BABAM2: variants seen among roughly 807,000 people sequenced by gnomAD.
BABAM2 encodes the protein BRISC and BRCA1 A complex member 2.
A neutral mutation model predicts 54.7 loss-of-function variants in BABAM2; 31 were observed. That is an observed-to-expected ratio of 0.57 (90% CI 0.43 to 0.77). The LOEUF is 0.77. BABAM2 is among the 30% of genes least tolerant of loss of function. BABAM2 has a pLI of 0.00. For missense variants in BABAM2, 364 were observed against 455.8 expected (o/e 0.80, Z 1.83); for synonymous variants, 167 against 162.9 (o/e 1.03, Z -0.19).
intron 2 of BABAM2, chr2:27,896,767 G>C: frequency 4.3e-6 from 1 of 231,510 alleles, no homozygotes; most frequent in Non-Finnish European, 8.8e-6. Flanking sequence ...CAGCAACTGG[G>C]CCAGCAGCTT....
chr2:28,209,247 C>T (rs1573848061), intron 7 of BABAM2, among the ~76,000 whole-genome samples: 1 of 152,088 alleles, frequency 6.6e-6, no homozygotes, highest in South Asian at 2.1e-4. Flanking sequence ...CCTGATTCTT[C>T]CTTAGAGTGG....
Position 28,159,298 on chromosome 2 carries a change from A to G in BABAM2, c.680+29918A>G, listed in dbSNP as rs1286391998. Among the ~76,000 whole-genome samples the G allele has an allele frequency of 6.6e-5, 10 of 152,298 alleles. No individual in the cohort carries two copies. The East Asian group carries it at 1.7e-3, about 27-fold the overall frequency. ...AGTCTACTGGCAGAGTCAGGCACAG[A>G]AGTAACTAACTTGGACAGCATGATG... On this transcript the variant is annotated intron_variant, in intron 7 of 11. Coordinates refer to ENST00000379624, the MANE Select transcript of BABAM2 (RefSeq NM_199191.3).
At chr2:28,013,497 A>G in intron 4 of BABAM2, 1 of 429,530 alleles carries the variant, frequency 2.3e-6, no homozygotes, top group South Asian at 1.7e-5. Flanking sequence ...GTGGTTTTTC[A>G]GCTACAAAGG....
At chr2:28,295,396 T>C (rs1241918575) in intron 10 of BABAM2, among the ~76,000 whole-genome samples, 3 of 152,204 alleles carry the variant, frequency 2.0e-5, no homozygotes, top group African/African-American at 7.2e-5. Context: ...CTCATGGTAC[T>C]TTTCTGCTGG....
chr2:28,181,317 C>G lies in BABAM2; in HGVS notation c.680+51937C>G, dbSNP rs117579203. ...TTGGCCATAAAGAGTGAAATTCTGT[C>G]ATATGCAGCAACATGGAACTGCAGG... On this transcript the variant is annotated intron_variant, in intron 7 of 11. Coordinates refer to ENST00000379624, the MANE Select transcript of BABAM2 (RefSeq NM_199191.3). Among the ~76,000 whole-genome samples the G allele has an allele frequency of 6.4e-4, 97 of 152,226 alleles. 1 individual carries two copies. The East Asian group carries it at 0.014, about 21-fold the overall frequency.
chr2:28,180,788 A>G (rs1232396691), intron 7 of BABAM2, among the ~76,000 whole-genome samples: 1 of 152,210 alleles, frequency 6.6e-6, no homozygotes, highest in East Asian at 1.9e-4. Context: ...ATCACATTAA[A>G]AAGTGGGCAA....
chr2:28,195,840 A>G (rs1263578135), intron 7 of BABAM2, among the ~76,000 whole-genome samples: 1 of 152,248 alleles, frequency 6.6e-6, no homozygotes, highest in Non-Finnish European at 1.5e-5. Context: ...AGTAGTTTTG[A>G]GCAAGCCTAA....
Position 28,067,895 on chromosome 2 carries a change from A to G in BABAM2, c.570+22096A>G, listed in dbSNP as rs1558305738. The stretch of plus-strand genomic sequence containing the variant: ...TGCTTTATAGCACAGTGCCCTGAAC[A>G]CAGTGTATACTCAGTAAGAATTTTC... On this transcript the variant is annotated intron_variant, in intron 6 of 11. Coordinates refer to ENST00000379624, the MANE Select transcript of BABAM2 (RefSeq NM_199191.3). 5.3e-5 allele frequency among the ~76,000 whole-genome samples: 8 copies of G among 152,364 alleles called. No homozygotes were observed. In the South Asian group the frequency reaches 1.4e-3, roughly 28 times the overall value.
At chr2:28,026,882 A>ATAGATATATATATT (rs1675805696) in intron 5 of BABAM2, among the ~76,000 whole-genome samples, 2 of 58,802 alleles carry the variant, frequency 3.4e-5, no homozygotes, top group Non-Finnish European at 6.2e-5. Context: ...ATTTATATAT[A>ATAGATATATATATT]TATAGATATA....
In BABAM2 at chr2:28,316,657, C is replaced by T. The variant is rs533776732; in HGVS notation, c.1088+18166C>T. Among the ~76,000 whole-genome samples the T allele has an allele frequency of 5.3e-5, 8 of 152,230 alleles. No individual in the cohort carries two copies. The East Asian group carries it at 7.7e-4, about 15-fold the overall frequency. ...TAACATGTCTCATAGAATACGAGCACGTCTCAGGGCAGAGCATCCTCTTCA... is the reference window on the plus strand; with the variant it reads ...TAACATGTCTCATAGAATACGAGCATGTCTCAGGGCAGAGCATCCTCTTCA... On this transcript the variant is annotated intron_variant, in intron 11 of 11. Coordinates refer to ENST00000379624, the MANE Select transcript of BABAM2 (RefSeq NM_199191.3).
chr2:27,953,276 G>A (rs1017372561), intron 3 of BABAM2, among the ~76,000 whole-genome samples: 2 of 152,096 alleles, frequency 1.3e-5, no homozygotes, highest in African/African-American at 2.4e-5. Flanking sequence ...GAACTCCTGG[G>A]CTCAAGCAGA....
chr2:28,012,612 G>C (rs1016239759), intron 4 of BABAM2, among the ~76,000 whole-genome samples: 1 of 152,150 alleles, frequency 6.6e-6, no homozygotes, highest in Non-Finnish European at 1.5e-5. Flanking sequence ...AGTATATTTA[G>C]TTGTTAGTCA....
intron 6 of BABAM2, among the ~76,000 whole-genome samples, chr2:28,059,621 G>A (rs1314753208): frequency 1.3e-5 from 2 of 152,166 alleles, no homozygotes; most frequent in East Asian, 1.9e-4. Flanking sequence ...TCCAAGGACT[G>A]CTGGTATTTC....
intron 11 of BABAM2, among the ~76,000 whole-genome samples, chr2:28,314,967 A>G (rs753337220): frequency 6.6e-6 from 1 of 150,948 alleles, no homozygotes. Flanking sequence ...AAAGAAAAGA[A>G]AAGAGAAAAG....
At chr2:28,321,942 TA>T (rs796924338) in intron 11 of BABAM2, among the ~76,000 whole-genome samples, 217 of 142,136 alleles carry the variant, frequency 1.5e-3, no homozygotes, top group East Asian at 2.2e-3. Context: ...AAAGTGAGTT[TA>T]AAAAAAAAAA....
chr2:28,041,797 G>T (rs1001097288), intron 5 of BABAM2, among the ~76,000 whole-genome samples: 5 of 152,178 alleles, frequency 3.3e-5, no homozygotes, highest in African/African-American at 4.8e-5. Context: ...CCATTTGGTA[G>T]TTTTGAGCAA....
intron 6 of BABAM2, among the ~76,000 whole-genome samples, chr2:28,087,768 C>T (rs896520882): frequency 2.6e-5 from 4 of 152,048 alleles, no homozygotes; most frequent in Non-Finnish European, 5.9e-5. Flanking sequence ...CCCTCCTCAG[C>T]CTCCTGAGTA....
intron 11 of BABAM2, among the ~76,000 whole-genome samples, chr2:28,306,974 G>C (rs985862172): frequency 7.3e-6 from 1 of 137,686 alleles, no homozygotes; most frequent in African/African-American, 2.7e-5. Context: ...GGGATTACAG[G>C]CATGAGCCAC....
At chr2:28,309,962 T>G in intron 11 of BABAM2, 10 of 1,086,832 alleles carry the variant, frequency 9.2e-6, no homozygotes, top group Non-Finnish European at 1.4e-5. Flanking sequence ...CTTTTCCTTA[T>G]GGGGTTTAGA....
Sources: allele counts gnomAD v4.1 joint callset (sites outside exome capture counted in the v4.1 genomes callset), GRCh38; gene constraint gnomAD v4.1.1; transcripts MANE v1.5; gene names NCBI Gene and HGNC (gene_info 2026-07-23, HGNC 2026-07-21).